The following IKZF2 variants were observed in gnomAD, a reference collection of about 807,000 sequenced individuals.
IKZF2 encodes zinc finger protein Helios.
Under a neutral mutation model 49.2 loss-of-function variants are expected in IKZF2, and 15 were observed. That is an observed-to-expected ratio of 0.30 (90% CI 0.20 to 0.47). The LOEUF (loss-of-function observed/expected upper bound fraction) is 0.47. Among genes scored for constraint, IKZF2 ranks in the 20% least tolerant of loss-of-function variants. IKZF2 has a pLI of 1.00. For missense variants in IKZF2, 567 were observed against 664.6 expected, an observed-to-expected ratio of 0.85 and a Z score of 1.61; for synonymous variants, 227 against 221.4, an observed-to-expected ratio of 1.03 and a Z score of -0.23.
In IKZF2 at chr2:213,150,148, G is replaced by T; in HGVS notation, c.-20C>A. On this transcript the variant is annotated 5_prime_UTR_variant, in exon 2 of 9. Coordinates refer to ENST00000434687, the MANE Select transcript of IKZF2 (RefSeq NM_001387220.1). The stretch of plus-strand genomic sequence containing the variant: ...AGAGAAACGAAATGTACATACAAAA[G>T]AAATTGTCCTTTGATTAAAAAAGAT... 1.5e-6 allele frequency: 2 copies of T among 1,300,526 alleles called. No individual in the cohort carries two copies. The highest frequency in any genetic ancestry group is 1.2e-5 in the South Asian group (1 of 80,916). 80.6% of individuals were successfully genotyped at this position (1,300,526 alleles called of 1,614,324 possible). A position where few individuals can be genotyped will look rare whatever the true frequency, so the allele number is the denominator to read the frequency against.
chr2:213,008,132 A>AAT (rs1553540701), intron 8 of IKZF2, 48 bp from the exon 9 acceptor site: 114 of 1,029,062 alleles, frequency 1.1e-4, no homozygotes, highest in Non-Finnish European at 1.2e-4. Context: ...AAAAAAATAC[A>AAT]ACAACATTAG....
intron 6 of IKZF2, among the ~76,000 whole-genome samples, chr2:213,048,242 C>T (rs941701398): frequency 7.9e-5 from 12 of 151,882 alleles, no homozygotes; most frequent in African/African-American, 1.2e-4. Flanking sequence ...AAAATGAGCA[C>T]GATGGCAGTT....
At chr2:213,067,543 A>G (rs1702276244) in intron 4 of IKZF2, among the ~76,000 whole-genome samples, 1 of 152,116 alleles carries the variant, frequency 6.6e-6, no homozygotes, top group African/African-American at 2.4e-5. Flanking sequence ...TTTAAAATTG[A>G]GCAAAGTACA....
chr2:213,021,955 AG>A, intron 7 of IKZF2, 37 bp downstream of exon 7: 2 of 1,581,488 alleles, frequency 1.3e-6, no homozygotes, highest in Non-Finnish European at 1.7e-6. Flanking sequence ...CAAAAGCAGT[AG>A]GGGGAAATAA....
chr2:213,039,245 T>A (rs1699369926), intron 6 of IKZF2, among the ~76,000 whole-genome samples: 1 of 152,086 alleles, frequency 6.6e-6, no homozygotes, highest in African/African-American at 2.4e-5. Context: ...TTGGGATTTT[T>A]AAAAGTCAAT....
chr2:213,075,921 A>C (rs937854738), intron 4 of IKZF2, among the ~76,000 whole-genome samples: 2 of 152,180 alleles, frequency 1.3e-5, no homozygotes, highest in African/African-American at 4.8e-5. Flanking sequence ...GCAAATACTA[A>C]GAATACACCA....
At chr2:213,118,841 T>C (rs975218819) in intron 4 of IKZF2, among the ~76,000 whole-genome samples, 1 of 152,326 alleles carries the variant, frequency 6.6e-6, no homozygotes, top group Non-Finnish European at 1.5e-5. Flanking sequence ...CTCCCAAACT[T>C]CTTCTCCATA....
At chr2:213,078,240 C>A (rs1012647917) in intron 4 of IKZF2, among the ~76,000 whole-genome samples, 1 of 152,148 alleles carries the variant, frequency 6.6e-6, no homozygotes, top group Non-Finnish European at 1.5e-5. Context: ...AATATTTTAT[C>A]TTCTGTTGAA....
chr2:213,101,756 A>G (rs2125706841), intron 4 of IKZF2, among the ~76,000 whole-genome samples: 1 of 152,306 alleles, frequency 6.6e-6, no homozygotes, highest in South Asian at 2.1e-4. Context: ...CATGAAATAT[A>G]GTACAGCTTG....
chr2:213,071,381 A>C (rs1373016187), intron 4 of IKZF2, among the ~76,000 whole-genome samples: 2 of 152,156 alleles, frequency 1.3e-5, no homozygotes, highest in African/African-American at 4.8e-5. Context: ...AATGCAAAGA[A>C]TCTGCAGAGA....
chr2:213,010,526 G>GA (rs1695831230), intron 8 of IKZF2, among the ~76,000 whole-genome samples: 1 of 152,086 alleles, frequency 6.6e-6, no homozygotes, highest in South Asian at 2.1e-4. Context: ...TGCTTCTAGG[G>GA]ACTACACAGT....
intron 4 of IKZF2, chr2:213,147,419 T>A (rs2125987669): frequency 1.8e-6 from 1 of 567,692 alleles, no homozygotes. Context: ...AAAAATCCAG[T>A]CATAAACCTG....
At chr2:213,112,415 G>A (rs756294134) in intron 4 of IKZF2, among the ~76,000 whole-genome samples, 12 of 147,696 alleles carry the variant, frequency 8.1e-5, no homozygotes, top group Non-Finnish European at 1.6e-4. Flanking sequence ...TAATGTTTAT[G>A]AAAATGGCTT....
intron 4 of IKZF2, among the ~76,000 whole-genome samples, chr2:213,126,308 G>T (rs569231980): frequency 2.0e-5 from 3 of 152,226 alleles, no homozygotes; most frequent in African/African-American, 7.2e-5. Flanking sequence ...CTTATGTTAT[G>T]TGTGTTGATT....
chr2:213,148,847 G>C (rs550547719), intron 2 of IKZF2, among the ~76,000 whole-genome samples: 1 of 152,292 alleles, frequency 6.6e-6, no homozygotes, highest in African/African-American at 2.4e-5. Flanking sequence ...CTGGAGATAG[G>C]ATAGGAAAGA....
rs1574455045 is a variant in IKZF2 at position 213,006,415 on chromosome 2, G to A, written c.*945C>T. ...TTAACACTGATTAAATGCTGATAAA[G>A]TGACAATCGTAAGCATACTTTTAGA... On this transcript the variant is annotated 3_prime_UTR_variant, in exon 9 of 9. Transcript: ENST00000434687. 6.6e-6 allele frequency: 1 copy of A among 152,480 alleles called. No homozygotes were observed. Among genetic ancestry groups the A allele is most frequent in the Non-Finnish European group, 1.5e-5 (1 of 67,984 alleles). 9.4% of individuals were successfully genotyped at this position (152,480 alleles called of 1,614,324 possible).
intron 6 of IKZF2, among the ~76,000 whole-genome samples, chr2:213,025,983 G>C (rs924470929): frequency 1.1e-4 from 16 of 152,168 alleles, no homozygotes; most frequent in African/African-American, 3.6e-4. Flanking sequence ...TGGCATAATA[G>C]ACTTCAAATA....
At chr2:213,136,975 A>G (rs1395038134) in intron 4 of IKZF2, among the ~76,000 whole-genome samples, 3 of 152,154 alleles carry the variant, frequency 2.0e-5, no homozygotes, top group African/African-American at 7.2e-5. Context: ...CAAATTTGTT[A>G]CAGGTATTGT....
intron 4 of IKZF2, among the ~76,000 whole-genome samples, chr2:213,100,021 T>C (rs1460882941): frequency 6.6e-6 from 1 of 152,120 alleles, no homozygotes; most frequent in Middle Eastern, 3.2e-3. Flanking sequence ...TAAGTGGGTT[T>C]TTGATATGTT....
Sources: gnomAD v4.1 joint callset for allele counts (sites outside exome capture counted in the v4.1 genomes callset) on GRCh38, gnomAD v4.1.1 for gene constraint, MANE v1.5 for transcripts, NCBI Gene and HGNC (gene_info 2026-07-23, HGNC 2026-07-21) for gene names.